ALKBH8: variants seen among roughly 807,000 people sequenced by gnomAD.
ALKBH8 encodes alkB homolog 8, tRNA methyltransferase, also known as tRNA (carboxymethyluridine(34)-5-O)-methyltransferase ALKBH8.
A neutral mutation model predicts 59.8 loss-of-function variants in ALKBH8; 36 were observed. The ratio of observed to expected loss-of-function variants is 0.60; its 90% CI spans 0.46 to 0.79. The LOEUF (loss-of-function observed/expected upper bound fraction) is 0.79. Among genes scored for constraint, ALKBH8 ranks in the 30% least tolerant of loss-of-function variants. The pLI is 0.00. For synonymous variants in ALKBH8, 276 were observed against 273.6 expected (o/e 1.01, Z -0.09); for missense variants, 768 against 801.0 (o/e 0.96, Z 0.50).
chr11:107,556,183 CAGG>C (rs1278033624), intron 3 of ALKBH8, among the ~76,000 whole-genome samples: 1 of 152,088 alleles, frequency 6.6e-6, no homozygotes, highest in African/African-American at 2.4e-5. Context: ...GAGGCTGAGG[CAGG>C]AGAATTGCTT....
intron 8 of ALKBH8, among the ~76,000 whole-genome samples, chr11:107,526,851 A>G (rs1451127825): frequency 6.6e-6 from 1 of 151,882 alleles, no homozygotes; most frequent in Non-Finnish European, 1.5e-5. Flanking sequence ...ATTTAATTAC[A>G]TTGGTATCTT....
chr11:107,523,041 T>G (rs916725649), intron 9 of ALKBH8, among the ~76,000 whole-genome samples: 3 of 101,446 alleles, frequency 3.0e-5, no homozygotes, highest in Non-Finnish European at 6.0e-5. Flanking sequence ...AACCCTTCTC[T>G]GCCTTGCTCA....
chr11:107,545,710 A>G (rs759864350), intron 7 of ALKBH8, among the ~76,000 whole-genome samples: 2 of 152,204 alleles, frequency 1.3e-5, no homozygotes, highest in African/African-American at 2.4e-5. Flanking sequence ...ATCTCTGCCC[A>G]TTATGGTAAT....
intron 7 of ALKBH8, among the ~76,000 whole-genome samples, chr11:107,546,736 C>T (rs12287060): frequency 0.011 from 1,608 of 151,972 alleles, 27 homozygotes; most frequent in African/African-American, 0.035. Context: ...ATACATATTT[C>T]GAAGGTACAA....
chr11:107,564,764 TTC>T (rs1196526582), intron 1 of ALKBH8, among the ~76,000 whole-genome samples: 1 of 152,234 alleles, frequency 6.6e-6, no homozygotes, highest in Non-Finnish European at 1.5e-5. Flanking sequence ...AATTTGTTTA[TTC>T]TGTCTTTCCC....
At chr11:107,550,313 A>G (rs1418229001) in intron 6 of ALKBH8, among the ~76,000 whole-genome samples, 5 of 152,222 alleles carry the variant, frequency 3.3e-5, no homozygotes, top group African/African-American at 1.2e-4. Flanking sequence ...AGGGTATACA[A>G]AGCCAGTAGG....
At chr11:107,512,662 G>A (rs530489318) in intron 10 of ALKBH8, among the ~76,000 whole-genome samples, 3 of 152,216 alleles carry the variant, frequency 2.0e-5, no homozygotes, top group East Asian at 3.9e-4. Context: ...TTTTTTCTTA[G>A]CCAAACTCTA....
chr11:107,518,005 T>C (rs756159078), intron 10 of ALKBH8, among the ~76,000 whole-genome samples: 5 of 152,148 alleles, frequency 3.3e-5, no homozygotes, highest in Non-Finnish European at 5.9e-5. Context: ...TAAAACATCA[T>C]ATCATATACA....
chr11:107,560,720 T>C, intron 2 of ALKBH8, 45 bp downstream of exon 2: 1 of 1,540,168 alleles, frequency 6.5e-7, no homozygotes, highest in Middle Eastern at 1.9e-4. Flanking sequence ...TACATTAACA[T>C]GTCAGTACAT....
At chr11:107,556,008 G>A (rs557079900) in intron 3 of ALKBH8, among the ~76,000 whole-genome samples, 155 of 152,304 alleles carry the variant, frequency 1.0e-3, no homozygotes, top group African/African-American at 3.5e-3. Flanking sequence ...AGCCGGGCAC[G>A]GTGGCTCACG....
Position 107,504,714 on chromosome 11 carries a change from T to G in ALKBH8, c.1939A>C (p.Ile647Leu). Reference protein sequence around the residue: ...GACRTVSDVRILQSYYDQGNW... With the variant: ...GACRTVSDVRLLQSYYDQGNW... ...CCTTGATCGTAGTAGCTTTGCAGAA[T>G]TCTGACATCACTCACAGTCCTGCAG... Residue 647 changes from isoleucine to leucine, a missense_variant, in exon 12 of 12, where the codon ATT becomes CTT. Transcript: ENST00000428149. The G allele has an allele frequency of 6.4e-7, 1 of 1,551,666 alleles. No individual in the cohort carries two copies. Among genetic ancestry groups the G allele is most frequent in the Non-Finnish European group, 8.7e-7 (1 of 1,146,884 alleles).
intron 11 of ALKBH8, among the ~76,000 whole-genome samples, chr11:107,506,603 A>C (rs1862397222): frequency 6.6e-6 from 1 of 152,190 alleles, no homozygotes; most frequent in African/African-American, 2.4e-5. Context: ...ATAAGTATTA[A>C]ACTATAGTTC....
intron 7 of ALKBH8, among the ~76,000 whole-genome samples, chr11:107,533,256 A>C (rs1863671208): frequency 6.6e-6 from 1 of 152,172 alleles, no homozygotes; most frequent in East Asian, 1.9e-4. Context: ...TAAGGGAACA[A>C]ATCAATCCAT....
chr11:107,519,122 T>C (rs666373), intron 10 of ALKBH8, among the ~76,000 whole-genome samples: 142,447 of 152,122 alleles, frequency 0.94, 66,841 homozygotes, highest in South Asian at 0.97. Flanking sequence ...TTTCTTTTTT[T>C]GAGACAGAGT....
chr11:107,562,223 C>G (rs528832821), intron 1 of ALKBH8, among the ~76,000 whole-genome samples: 1 of 150,868 alleles, frequency 6.6e-6, no homozygotes, highest in East Asian at 1.9e-4. Context: ...CGCTTGAACC[C>G]GGGAGGCAGA....
intron 1 of ALKBH8, among the ~76,000 whole-genome samples, chr11:107,564,399 C>T (rs1865051918): frequency 6.6e-6 from 1 of 152,194 alleles, no homozygotes; most frequent in Admixed American, 6.5e-5. Context: ...TACTTTTGCA[C>T]AACCTAATAA....
chr11:107,520,683 C>T (rs1199035431), intron 10 of ALKBH8, among the ~76,000 whole-genome samples: 1 of 152,196 alleles, frequency 6.6e-6, no homozygotes, highest in Non-Finnish European at 1.5e-5. Flanking sequence ...ACAAACTTAA[C>T]TCACTAGGCC....
In ALKBH8 at chr11:107,521,802, C is replaced by A. The variant is rs551863180; in HGVS notation, c.1287+497G>T. On this transcript the variant is annotated intron_variant, in intron 10 of 11. Coordinates refer to ENST00000428149, the MANE Select transcript of ALKBH8 (RefSeq NM_138775.3). ...CTTCCTTTCCTCAACAGTAAGATAC[C>A]AATAAATAGAAAATTTTTTTCTACT... 3.3e-5 allele frequency among the ~76,000 whole-genome samples: 5 copies of A among 152,020 alleles called. No individual in the cohort carries two copies. In the East Asian group the frequency reaches 5.8e-4, roughly 18 times the overall value.
intron 3 of ALKBH8, among the ~76,000 whole-genome samples, chr11:107,555,511 C>G (rs139313092): frequency 1.6e-3 from 238 of 152,218 alleles, no homozygotes; most frequent in African/African-American, 5.3e-3. Context: ...CAAAAACTGA[C>G]CAGAAACATG....
Sources: gnomAD v4.1 joint callset for allele counts (sites outside exome capture counted in the v4.1 genomes callset) on GRCh38, gnomAD v4.1.1 for gene constraint, MANE v1.5 for transcripts, NCBI Gene and HGNC (gene_info 2026-07-23, HGNC 2026-07-21) for gene names.